Variants in ZDHHC8 observed in about 807,000 individuals in gnomAD.
ZDHHC8 encodes palmitoyltransferase ZDHHC8.
In ZDHHC8, 24 loss-of-function variants were observed where a neutral mutation model predicts 61.2. The observed-to-expected ratio is 0.39, with a 90% confidence interval of 0.28 to 0.55. ZDHHC8 has a LOEUF of 0.55. Ranked by LOEUF, ZDHHC8 falls within the 20% of genes least tolerant of loss-of-function variation. The pLI is 0.60. For synonymous variants in ZDHHC8, 523 were observed against 492.5 expected (o/e 1.06, Z -0.82); for missense variants, 935 against 1,102.1 (o/e 0.85, Z 2.15).
chr22:20,133,812 A>C (rs1286671621), intron 1 of ZDHHC8, among the ~76,000 whole-genome samples: 9 of 148,442 alleles, frequency 6.1e-5, no homozygotes, highest in South Asian at 2.1e-4. Flanking sequence ...AACCCCACAC[A>C]CCCCCCATCT....
Position 20,146,870 on chromosome 22 carries a change from C to T in ZDHHC8, c.*1470C>T. On this transcript the variant is annotated 3_prime_UTR_variant, in exon 11 of 11. Transcript: ENST00000334554. ...TCTCCTGCCTGCCACATGCCAGGGG[C>T]AGGGCTGAGGGAGTGTGAGGGATGC... 7.9e-7 allele frequency: 1 copy of T among 1,270,492 alleles called. No individual in the cohort carries two copies. The highest frequency in any genetic ancestry group is 9.9e-7 in the Non-Finnish European group (1 of 1,009,372). The allele number at this position is 1,270,492 out of a possible 1,614,324, so 78.7% of individuals were successfully genotyped here. A position where few individuals can be genotyped will look rare whatever the true frequency, so the allele number is the denominator to read the frequency against.
rs1305654977 is a variant in ZDHHC8, at chr22:20,145,564, G to T, written c.*164G>T. The T allele has an allele frequency of 7.0e-6, 9 of 1,279,882 alleles. No individual in the cohort carries two copies. In the South Asian group the frequency reaches 2.2e-4, roughly 31 times the overall value. 79.3% of individuals were successfully genotyped at this position (1,279,882 alleles called of 1,614,324 possible). ...CACGCCTCCACAGCTTGCCCCAAGCGCTCTGCCTGCCCGTCCACTCATCTG... is the reference window on the plus strand; with the variant it reads ...CACGCCTCCACAGCTTGCCCCAAGCTCTCTGCCTGCCCGTCCACTCATCTG... On this transcript the variant is annotated 3_prime_UTR_variant, in exon 11 of 11. Coordinates refer to ENST00000334554, the MANE Select transcript of ZDHHC8 (RefSeq NM_013373.4).
intron 9 of ZDHHC8, among the ~76,000 whole-genome samples, chr22:20,142,318 G>T (rs1168395361): frequency 6.6e-6 from 1 of 152,206 alleles, no homozygotes; most frequent in Non-Finnish European, 1.5e-5. Context: ...GGACTCCTGG[G>T]TCCAGTGGGG....
Position 20,145,440 on chromosome 22 carries a change from CA to C in ZDHHC8, c.*41del. On this transcript the variant is annotated 3_prime_UTR_variant, in exon 11 of 11. Transcript: ENST00000334554. Reference sequence around the variant, plus strand: ...ACATCCGCCATGGTGCCACGGGGACCAGGACCCCACAGCGCACCCCCCCTCC... The same window carrying C: ...ACATCCGCCATGGTGCCACGGGGACCGGACCCCACAGCGCACCCCCCCTCC... 7.1e-7 allele frequency: 1 copy of C among 1,406,188 alleles called. No individual in the cohort carries two copies. Among genetic ancestry groups the C allele is most frequent in the Admixed American group, 3.2e-5 (1 of 31,432 alleles). 87.1% of individuals were successfully genotyped at this position (1,406,188 alleles called of 1,614,324 possible). A position where few individuals can be genotyped will look rare whatever the true frequency, so the allele number is the denominator to read the frequency against.
rs538009359 is a variant in ZDHHC8, at chr22:20,146,277, C to T, written c.*877C>T. 548 of 985,542 alleles carry T rather than the reference C, an allele frequency of 5.6e-4. 3 individuals carry two copies. The African/African-American group carries it at 7.5e-3, about 14-fold the overall frequency. 61.0% of individuals were successfully genotyped at this position (985,542 alleles called of 1,614,324 possible). On this transcript the variant is annotated 3_prime_UTR_variant, in exon 11 of 11. Transcript: ENST00000334554. ...CCAAGGCATGCCACGTCCGCAGCCC[C>T]GGCCTGGCTGCGGTGCTCGCGCCGT...
chr22:20,141,829 G>T (rs750425257), intron 9 of ZDHHC8, among the ~76,000 whole-genome samples: 29 of 152,330 alleles, frequency 1.9e-4, no homozygotes, highest in Non-Finnish European at 3.5e-4. Flanking sequence ...GGCCAGCATT[G>T]CCCTAGGCCA....
intron 1 of ZDHHC8, among the ~76,000 whole-genome samples, chr22:20,134,691 A>G (rs1267772060): frequency 6.6e-6 from 1 of 152,232 alleles, no homozygotes; most frequent in African/African-American, 2.4e-5. Context: ...CCCATGCACC[A>G]GGTGGGCAGG....
In ZDHHC8 at chr22:20,140,607, G is replaced by T. The variant is rs758630024; in HGVS notation, c.661-10G>T. 2 of 1,597,136 alleles carry T rather than the reference G, an allele frequency of 1.3e-6. No homozygotes were observed. Among genetic ancestry groups the T allele is most frequent in the South Asian group, 1.1e-5 (1 of 88,128 alleles). On this transcript the variant is annotated splice_polypyrimidine_tract_variant and intron_variant, in intron 5 of 10. Coordinates refer to ENST00000334554, the MANE Select transcript of ZDHHC8 (RefSeq NM_013373.4). Reference sequence around the variant, plus strand: ...GGAGGCCAGGCTGGCTGAGGGTCCTGCATCCACAGGTGACTGGGAAGTTCC... The same window carrying T: ...GGAGGCCAGGCTGGCTGAGGGTCCTTCATCCACAGGTGACTGGGAAGTTCC...
Position 20,147,181 on chromosome 22 carries a change from C to A in ZDHHC8, c.*1781C>A. 2 of 1,521,328 alleles carry A rather than the reference C, an allele frequency of 1.3e-6. No homozygotes were observed. Among genetic ancestry groups the A allele is most frequent in the South Asian group, 1.2e-5 (1 of 81,300 alleles). 94.2% of individuals were successfully genotyped at this position (1,521,328 alleles called of 1,614,324 possible). ...GGCACCCCCACGCGGGGCCATGTGCCGCCTGCACTTGGCTGCCTCCAGTCT... is the reference window on the plus strand; with the variant it reads ...GGCACCCCCACGCGGGGCCATGTGCAGCCTGCACTTGGCTGCCTCCAGTCT... On this transcript the variant is annotated 3_prime_UTR_variant, in exon 11 of 11. Coordinates refer to ENST00000334554, the MANE Select transcript of ZDHHC8 (RefSeq NM_013373.4).
In ZDHHC8 at chr22:20,143,343, A is replaced by C. The variant is rs888925580; in HGVS notation, c.1713A>C (p.Ser571=). The C allele has an allele frequency of 2.5e-6, 4 of 1,586,134 alleles. No individual in the cohort carries two copies. The highest frequency in any genetic ancestry group is 3.4e-6 in the Non-Finnish European group (4 of 1,169,508). ...RERLLRSQAD[S]LFGDSGVYDA... ...GCCTGCTGCGCTCCCAGGCCGACTCACTCTTCGGCGACTCAGGCGTCTATG... is the reference window on the plus strand; with the variant it reads ...GCCTGCTGCGCTCCCAGGCCGACTCCCTCTTCGGCGACTCAGGCGTCTATG... The change falls in exon 10 of 11, where the codon TCA becomes TCC. Residue 571 remains serine (S), a synonymous_variant. Transcript: ENST00000334554.
chr22:20,131,865 G>GGCCCCCCCCCC lies in ZDHHC8; in HGVS notation c.-83_-82insGCCCCCCCCCC. 1.3e-4 allele frequency: 42 copies of GGCCCCCCCCCC among 318,132 alleles called. No individual in the cohort carries two copies. Among genetic ancestry groups the GGCCCCCCCCCC allele is most frequent in the Non-Finnish European group, 1.8e-4 (41 of 222,522 alleles). The allele number at this position is 318,132 out of a possible 1,614,324, so 19.7% of individuals were successfully genotyped here. A position where few individuals can be genotyped will look rare whatever the true frequency, so the allele number is the denominator to read the frequency against. Reference sequence around the variant, plus strand: ...CGCCGCGGGTCCTGCGCCGCGTCCAGCCCGCCCGCCCGACCCCGGCCCGAC... The same window carrying GGCCCCCCCCCC: ...CGCCGCGGGTCCTGCGCCGCGTCCAGGCCCCCCCCCCCCCGCCCGCCCGACCCCGGCCCGAC... On this transcript the variant is annotated 5_prime_UTR_variant, in exon 1 of 11. Coordinates refer to ENST00000334554, the MANE Select transcript of ZDHHC8 (RefSeq NM_013373.4).
chr22:20,141,168 C>A, intron 7 of ZDHHC8, 49 bp from the exon 8 acceptor site: 1 of 1,592,726 alleles, frequency 6.3e-7, no homozygotes, highest in Non-Finnish European at 8.6e-7. Flanking sequence ...CTAGTGAAGC[C>A]CTGCCCCTCA....
intron 1 of ZDHHC8, 22 bp from the exon 2 acceptor site, chr22:20,139,172 C>G: frequency 1.2e-6 from 2 of 1,608,682 alleles, no homozygotes; most frequent in Non-Finnish European, 1.7e-6. Context: ...ACTCCACTCT[C>G]TGCCCCCACT....
rs1016359826 is a variant in ZDHHC8, at chr22:20,146,982, A to T, written c.*1582A>T. ...CTGTAGGGCCCCGAAGCTGACCTCCACCTTTCTGCTTCTCTCTCACGGACG... is the reference window on the plus strand; with the variant it reads ...CTGTAGGGCCCCGAAGCTGACCTCCTCCTTTCTGCTTCTCTCTCACGGACG... On this transcript the variant is annotated 3_prime_UTR_variant, in exon 11 of 11. Transcript: ENST00000334554. 4.3e-5 allele frequency: 60 copies of T among 1,385,752 alleles called. No individual in the cohort carries two copies. In the African/African-American group the frequency reaches 8.3e-4, roughly 19 times the overall value. The allele number at this position is 1,385,752 out of a possible 1,614,324, so 85.8% of individuals were successfully genotyped here. A position where few individuals can be genotyped will look rare whatever the true frequency, so the allele number is the denominator to read the frequency against.
chr22:20,139,420 G>C (rs942943884), intron 2 of ZDHHC8, 58 bp from the exon 3 acceptor site: 45 of 1,605,448 alleles, frequency 2.8e-5, no homozygotes, highest in Non-Finnish European at 3.5e-5. Flanking sequence ...ACTTGGGGGA[G>C]GGATTCACCT....
At chr22:20,143,895 C>T in intron 10 of ZDHHC8, 139 bp downstream of exon 10, 1 of 1,156,560 alleles carries the variant, frequency 8.6e-7, no homozygotes. Flanking sequence ...GGAGGATGCG[C>T]CTCACCCTGC....
In ZDHHC8 at chr22:20,139,472, C is replaced by G. The variant is rs1297183101; in HGVS notation, c.227-6C>G. 8 of 1,613,280 alleles carry G rather than the reference C, an allele frequency of 5.0e-6. No homozygotes were observed. In the African/African-American group the frequency reaches 1.1e-4, roughly 22 times the overall value. ...TCCTGCTCACTGCCTGGCTCCTGGT[C>G]TGTAGCGGATGAGGATGAGGACAAG... On this transcript the variant is annotated splice_region_variant and splice_polypyrimidine_tract_variant and intron_variant, in intron 2 of 10. Transcript: ENST00000334554.
At position 20,142,778 on chromosome 22, in the gene ZDHHC8, C is replaced by T; in HGVS notation, c.1148C>T (p.Thr383Ile). 6.2e-7 allele frequency: 1 copy of T among 1,612,644 alleles called. No homozygotes were observed. The highest frequency in any genetic ancestry group is 8.5e-7 in the Non-Finnish European group (1 of 1,179,946). The change falls in exon 10 of 11, where the codon ACC (threonine) becomes ATC (isoleucine). Residue 383 changes from threonine to isoleucine, a missense_variant. Thr to Ile is a moderately conservative substitution (Grantham distance 89, BLOSUM62 -1). Coordinates refer to ENST00000334554, the MANE Select transcript of ZDHHC8 (RefSeq NM_013373.4). ...CAGGTTCCAGGCCCTGATTCCCTGA[C>T]CCTGGGGGACGACAGCATCCGTAGC... ...GEQVPGPDSL[T>I]LGDDSIRSLD...
At position 20,147,233 on chromosome 22, in the gene ZDHHC8, A is replaced by G. The variant is rs2050536488; in HGVS notation, c.*1833A>G. The G allele has an allele frequency of 2.8e-6, 4 of 1,445,558 alleles. No individual in the cohort carries two copies. Among genetic ancestry groups the G allele is most frequent in the Non-Finnish European group, 3.6e-6 (4 of 1,096,678 alleles). The allele number at this position is 1,445,558 out of a possible 1,614,324, so 89.5% of individuals were successfully genotyped here. Reference sequence around the variant, plus strand: ...TTCCCCAGCCTCTCGGGGCCCTAGCAGGATGACAAGTAGGCGGCTCTGGGG... The same window carrying G: ...TTCCCCAGCCTCTCGGGGCCCTAGCGGGATGACAAGTAGGCGGCTCTGGGG... On this transcript the variant is annotated 3_prime_UTR_variant, in exon 11 of 11. Transcript: ENST00000334554.
Sources: gnomAD v4.1 joint callset for allele counts (sites outside exome capture counted in the v4.1 genomes callset) on GRCh38, gnomAD v4.1.1 for gene constraint, MANE v1.5 for transcripts, NCBI Gene and HGNC (gene_info 2026-07-23, HGNC 2026-07-21) for gene names.